The following GDE1 variants were observed in gnomAD, a reference collection of about 807,000 sequenced individuals.
GDE1 encodes glycerophosphodiester phosphodiesterase 1, also known as RGS16-interacting membrane protein.
GDE1 carries 24 observed loss-of-function variants against 32.2 expected under a neutral mutation model. The ratio of observed to expected loss-of-function variants is 0.75; its 90% CI spans 0.54 to 1.05. The LOEUF (loss-of-function observed/expected upper bound fraction) is 1.05, where lower values mean the gene tolerates loss of function less well. Ranked by LOEUF, GDE1 falls within the 50% of genes least tolerant of loss-of-function variation. The pLI is 0.00. For missense variants in GDE1, 380 were observed against 415.0 expected, an observed-to-expected ratio of 0.92 and a Z score of 0.73; for synonymous variants, 159 against 158.6, an observed-to-expected ratio of 1.00 and a Z score of -0.02.
intron 1 of GDE1, among the ~76,000 whole-genome samples, chr16:19,520,804 A>AG (rs918494491): frequency 1.1e-4 from 16 of 152,142 alleles, no homozygotes; most frequent in Non-Finnish European, 2.1e-4. Flanking sequence ...ATATTTACAC[A>AG]GATGCAAAAG....
Position 19,522,027 on chromosome 16 carries a change from C to A in GDE1, c.-63G>T. The A allele has an allele frequency of 6.8e-7, 1 of 1,478,268 alleles. No individual in the cohort carries two copies. The highest frequency in any genetic ancestry group is 9.0e-7 in the Non-Finnish European group (1 of 1,111,278). The allele number at this position is 1,478,268 out of a possible 1,614,324, so 91.6% of individuals were successfully genotyped here. A position where few individuals can be genotyped will look rare whatever the true frequency, so the allele number is the denominator to read the frequency against. ...CCGCCGGGCTCCTGGGGCAGTAGAA[C>A]GAGAAGCGAGGGGGAGGGTCCAAGG... On this transcript the variant is annotated 5_prime_UTR_variant, in exon 1 of 6. Coordinates refer to ENST00000353258, the MANE Select transcript of GDE1 (RefSeq NM_016641.4).
At chr16:19,521,596 A>G (rs1969454084) in intron 1 of GDE1, 108 bp downstream of exon 1, 2 of 1,256,694 alleles carry the variant, frequency 1.6e-6, no homozygotes, top group East Asian at 2.4e-5. Flanking sequence ...CTTGTGGACG[A>G]ATGAGGAAGT....
intron 4 of GDE1, 144 bp downstream of exon 4, chr16:19,507,543 C>T: frequency 1.7e-6 from 1 of 604,866 alleles, no homozygotes; most frequent in Admixed American, 3.1e-5. Flanking sequence ...TCTGGAATTT[C>T]TCTGGTTAAT....
At chr16:19,511,722 A>G (rs1969320908) in intron 2 of GDE1, among the ~76,000 whole-genome samples, 1 of 151,894 alleles carries the variant, frequency 6.6e-6, no homozygotes, top group South Asian at 2.1e-4. Flanking sequence ...CCCAACCCCA[A>G]ACCCTTCCCA....
intron 4 of GDE1, 57 bp downstream of exon 4, chr16:19,507,630 A>G: frequency 2.3e-6 from 2 of 863,090 alleles, no homozygotes; most frequent in Admixed American, 3.5e-5. Context: ...TACGCAGCCC[A>G]TTGCAATTAT....
intron 2 of GDE1, among the ~76,000 whole-genome samples, chr16:19,512,839 T>C (rs1451219684): frequency 2.0e-5 from 3 of 152,070 alleles, no homozygotes; most frequent in African/African-American, 7.2e-5. Context: ...GTAATGTTCT[T>C]GGTGCCTTCA....
chr16:19,514,465 C>T (rs1969356089), intron 2 of GDE1, among the ~76,000 whole-genome samples: 2 of 152,120 alleles, frequency 1.3e-5, no homozygotes, highest in African/African-American at 2.4e-5. Flanking sequence ...CCCTACTTCC[C>T]AAAGGGCAGA....
rs1232252702 is a variant in GDE1 at position 19,522,052 on chromosome 16, G to A, written c.-88C>T. ...CGAGAAGCGAGGGGGAGGGTCCAAG[G>A]CACCGGCAGCAGCAGGAACCCTCTG... On this transcript the variant is annotated 5_prime_UTR_variant, in exon 1 of 6. Transcript: ENST00000353258. 4.4e-6 allele frequency: 6 copies of A among 1,355,716 alleles called. No individual in the cohort carries two copies. The highest frequency in any genetic ancestry group is 4.4e-5 in the African/African-American group (3 of 68,422). The allele number at this position is 1,355,716 out of a possible 1,614,324, so 84.0% of individuals were successfully genotyped here. A position where few individuals can be genotyped will look rare whatever the true frequency, so the allele number is the denominator to read the frequency against.
At chr16:19,515,819 C>T (rs915028801) in intron 2 of GDE1, among the ~76,000 whole-genome samples, 3 of 152,036 alleles carry the variant, frequency 2.0e-5, no homozygotes, top group African/African-American at 4.8e-5. Context: ...CCAAGAGAAT[C>T]GATCATTGTC....
chr16:19,517,315 C>T, intron 1 of GDE1, 126 bp from the exon 2 acceptor site: 3 of 696,080 alleles, frequency 4.3e-6, no homozygotes, highest in Middle Eastern at 2.6e-4. Context: ...CTTCCACTTC[C>T]CCCACCAAAC....
At chr16:19,514,354 A>T (rs1969354750) in intron 2 of GDE1, among the ~76,000 whole-genome samples, 1 of 152,226 alleles carries the variant, frequency 6.6e-6, no homozygotes, top group Non-Finnish European at 1.5e-5. Context: ...CCATGTGTTC[A>T]AATACAGATA....
At chr16:19,505,125 T>TC (rs1567335304) in intron 4 of GDE1, 33 bp from the exon 5 acceptor site, 1 of 1,397,686 alleles carries the variant, frequency 7.2e-7, no homozygotes, top group East Asian at 2.3e-5. Context: ...AAAATAATGA[T>TC]CATATGTAAA....
chr16:19,520,893 CA>C (rs750822474), intron 1 of GDE1, among the ~76,000 whole-genome samples: 12 of 152,098 alleles, frequency 7.9e-5, no homozygotes, highest in Admixed American at 6.6e-4. Context: ...TGGGAGGTAT[CA>C]AAAGTTTCAG....
chr16:19,516,956 T>C, intron 2 of GDE1, 58 bp downstream of exon 2: 2 of 1,440,160 alleles, frequency 1.4e-6, no homozygotes, highest in Non-Finnish European at 1.9e-6. Context: ...AAGGCACCAG[T>C]GTCTGTCATT....
intron 2 of GDE1, among the ~76,000 whole-genome samples, chr16:19,512,969 C>G (rs1018738045): frequency 1.7e-3 from 96 of 57,740 alleles, no homozygotes; most frequent in African/African-American, 4.5e-3. Context: ...GTGTGTGTGT[C>G]AGTATTTATA....
chr16:19,512,077 G>C (rs534514691), intron 2 of GDE1, among the ~76,000 whole-genome samples: 1 of 152,168 alleles, frequency 6.6e-6, no homozygotes, highest in South Asian at 2.1e-4. Context: ...CTTTTGGATA[G>C]ATACCAACTA....
chr16:19,517,888 TC>T (rs1969401253), intron 1 of GDE1, among the ~76,000 whole-genome samples: 2 of 150,736 alleles, frequency 1.3e-5, no homozygotes, highest in African/African-American at 4.9e-5. Flanking sequence ...AAGATTTCTT[TC>T]TTTTTTTTTT....
intron 3 of GDE1, among the ~76,000 whole-genome samples, chr16:19,510,620 T>C (rs1969305482): frequency 1.3e-5 from 2 of 152,216 alleles, no homozygotes; most frequent in African/African-American, 4.8e-5. Flanking sequence ...CATTTTATGC[T>C]GGTTTTGTAA....
chr16:19,509,661 G>GT (rs11328002), intron 3 of GDE1, among the ~76,000 whole-genome samples: 1,708 of 138,696 alleles, frequency 0.012, 31 homozygotes, highest in African/African-American at 0.035. Context: ...CACATTTCAG[G>GT]TTTTTTTTTT....
Sources: gnomAD v4.1 joint callset for allele counts (sites outside exome capture counted in the v4.1 genomes callset) on GRCh38, gnomAD v4.1.1 for gene constraint, MANE v1.5 for transcripts, NCBI Gene and HGNC (gene_info 2026-07-23, HGNC 2026-07-21) for gene names.